IQCM: variants seen among roughly 807,000 people sequenced by gnomAD.
IQCM encodes IQ motif containing M.
Under a neutral mutation model 57.6 loss-of-function variants are expected in IQCM, and 45 were observed. The observed-to-expected ratio is 0.78, with a 90% CI of 0.62 to 1.00. The LOEUF (loss-of-function observed/expected upper bound fraction) is 1.00, where lower values mean the gene tolerates loss of function less well. Among genes scored for constraint, IQCM ranks in the 50% least tolerant of loss-of-function variants. The pLI, the probability that IQCM is intolerant of heterozygous loss-of-function variation, is 0.00. For missense variants in IQCM, 468 were observed against 511.6 expected, an observed-to-expected ratio of 0.91 and a Z score of 0.82; for synonymous variants, 148 against 158.9, an observed-to-expected ratio of 0.93 and a Z score of 0.51.
chr4:149,801,074 G>C (rs912789866), intron 2 of IQCM, among the ~76,000 whole-genome samples: 5 of 151,520 alleles, frequency 3.3e-5, no homozygotes, highest in African/African-American at 1.2e-4. Context: ...AAAGTTTTTG[G>C]GCAAAATGAA....
chr4:149,462,236 T>C (rs1471799962), intron 12 of IQCM, among the ~76,000 whole-genome samples: 1 of 152,148 alleles, frequency 6.6e-6, no homozygotes, highest in Admixed American at 6.5e-5. Context: ...ATGTAGCGGA[T>C]ACCACCGCAC....
chr4:149,394,332 T>C (rs1171771641), intron 13 of IQCM, among the ~76,000 whole-genome samples: 2 of 152,044 alleles, frequency 1.3e-5, no homozygotes, highest in Non-Finnish European at 2.9e-5. Context: ...GCAGTTGTTC[T>C]TCAGATTAAT....
intron 2 of IQCM, among the ~76,000 whole-genome samples, chr4:149,784,979 C>T (rs1771945104): frequency 6.6e-6 from 1 of 152,056 alleles, no homozygotes; most frequent in Non-Finnish European, 1.5e-5. Context: ...AATGAATACA[C>T]TATGACACTG....
intron 8 of IQCM, among the ~76,000 whole-genome samples, chr4:149,602,294 C>G (rs568365396): frequency 3.3e-5 from 5 of 152,160 alleles, no homozygotes; most frequent in African/African-American, 1.2e-4. Context: ...TGCTGAATAT[C>G]AATTCAGAAC....
intron 7 of IQCM, among the ~76,000 whole-genome samples, chr4:149,625,697 G>GT (rs1207712220): frequency 2.6e-5 from 4 of 152,168 alleles, no homozygotes; most frequent in Non-Finnish European, 4.4e-5. Flanking sequence ...AAGTTCCCGG[G>GT]TTTTATTGCT....
chr4:149,467,757 T>C (rs1008522398), intron 12 of IQCM, among the ~76,000 whole-genome samples: 1 of 152,112 alleles, frequency 6.6e-6, no homozygotes, highest in Non-Finnish European at 1.5e-5. Flanking sequence ...GCAATGCAGC[T>C]AACTGGTAGA....
At chr4:149,679,509 G>A (rs1225941295) in intron 7 of IQCM, among the ~76,000 whole-genome samples, 1 of 151,558 alleles carries the variant, frequency 6.6e-6, no homozygotes, top group Non-Finnish European at 1.5e-5. Flanking sequence ...ATAGCTAGAA[G>A]AGAAGAATGG....
intron 2 of IQCM, among the ~76,000 whole-genome samples, chr4:149,794,644 T>C (rs905590268): frequency 4.0e-5 from 6 of 151,872 alleles, no homozygotes; most frequent in Admixed American, 1.3e-4. Context: ...CATATAATAA[T>C]AAAAAAAGAC....
At chr4:149,725,637 C>G (rs1446882458) in intron 5 of IQCM, among the ~76,000 whole-genome samples, 1 of 151,988 alleles carries the variant, frequency 6.6e-6, no homozygotes, top group East Asian at 1.9e-4. Context: ...ATTGTCCACC[C>G]CCAACACTTT....
At chr4:149,394,721 C>A (rs985140601) in intron 13 of IQCM, among the ~76,000 whole-genome samples, 1 of 151,914 alleles carries the variant, frequency 6.6e-6, no homozygotes, top group Non-Finnish European at 1.5e-5. Context: ...TGAAAACTGG[C>A]GTGAAGGGCA....
At chr4:149,591,219 A>G (rs1753129079) in intron 8 of IQCM, among the ~76,000 whole-genome samples, 1 of 152,054 alleles carries the variant, frequency 6.6e-6, no homozygotes, top group South Asian at 2.1e-4. Context: ...CACCTGTATA[A>G]TTCATCAATT....
Position 149,351,730 on chromosome 4 carries a change from A to G in IQCM, c.*221T>C, listed in dbSNP as rs1277556038. The stretch of plus-strand genomic sequence containing the variant: ...GGAGTACTTGACACTCTGCAGGTTT[A>G]CTTCATTATGATAAAAGAGATGTTT... On this transcript the variant is annotated 3_prime_UTR_variant, in exon 14 of 14. Coordinates refer to ENST00000636793, the MANE Select transcript of IQCM (RefSeq NM_001363507.2). Among the ~76,000 whole-genome samples, 1 of 152,200 alleles carries G rather than the reference A, an allele frequency of 6.6e-6. No individual in the cohort carries two copies. Among genetic ancestry groups the G allele is most frequent in the Non-Finnish European group, 1.5e-5 (1 of 68,036 alleles).
intron 12 of IQCM, among the ~76,000 whole-genome samples, chr4:149,478,721 C>T (rs746679219): frequency 1.3e-5 from 2 of 152,038 alleles, no homozygotes; most frequent in African/African-American, 2.4e-5. Flanking sequence ...CAAGCAGGAA[C>T]GATCCTGTAC....
intron 7 of IQCM, among the ~76,000 whole-genome samples, chr4:149,681,570 T>C (rs1762179670): frequency 6.6e-6 from 1 of 151,190 alleles, no homozygotes; most frequent in Non-Finnish European, 1.5e-5. Flanking sequence ...GAAGAGTTTA[T>C]TCAGCAAATT....
chr4:149,547,422 A>T (rs1748560545), intron 12 of IQCM, among the ~76,000 whole-genome samples: 1 of 152,064 alleles, frequency 6.6e-6, no homozygotes. Flanking sequence ...AGTCTCACTT[A>T]TATGGGAAAT....
chr4:149,470,787 T>C (rs1367209239), intron 12 of IQCM, among the ~76,000 whole-genome samples: 2 of 152,126 alleles, frequency 1.3e-5, no homozygotes, highest in Non-Finnish European at 2.9e-5. Flanking sequence ...CACAGTGCAA[T>C]CAAACTAGAA....
At chr4:149,690,726 C>G (rs187380860) in intron 5 of IQCM, 5 of 152,020 alleles carry the variant, frequency 3.3e-5, no homozygotes, top group Admixed American at 6.6e-5. Flanking sequence ...CCAAGGATAC[C>G]GAGCAAAGGC....
intron 8 of IQCM, among the ~76,000 whole-genome samples, chr4:149,618,608 G>A (rs941574591): frequency 6.6e-6 from 1 of 151,892 alleles, no homozygotes; most frequent in Admixed American, 6.6e-5. Flanking sequence ...TCTGGCAAAA[G>A]GTTAATATCC....
At chr4:149,389,616 C>A (rs943680423) in intron 13 of IQCM, among the ~76,000 whole-genome samples, 9 of 151,046 alleles carry the variant, frequency 6.0e-5, no homozygotes, top group African/African-American at 1.5e-4. Flanking sequence ...GAACAAAAAA[C>A]CAAACACCGC....
Sources: gnomAD v4.1 joint callset for allele counts (sites outside exome capture counted in the v4.1 genomes callset) on GRCh38, gnomAD v4.1.1 for gene constraint, MANE v1.5 for transcripts, NCBI Gene and HGNC (gene_info 2026-07-23, HGNC 2026-07-21) for gene names.